The following TAFA1 variants were observed in gnomAD, a reference collection of about 807,000 sequenced individuals.
The protein encoded by TAFA1 is chemokine-like protein TAFA-1.
Under a neutral mutation model 18.5 loss-of-function variants are expected in TAFA1, and 4 were observed. The observed-to-expected ratio is 0.22, with a 90% CI of 0.11 to 0.49. TAFA1 has a LOEUF of 0.49. TAFA1 is among the 20% of genes least tolerant of loss of function. TAFA1 has a pLI of 0.98. For missense variants in TAFA1, 147 were observed against 169.0 expected (o/e 0.87, Z 0.72); for synonymous variants, 56 against 55.2 (o/e 1.01, Z -0.06).
intron 3 of TAFA1, among the ~76,000 whole-genome samples, chr3:68,421,330 T>C (rs1383437906): frequency 6.6e-6 from 1 of 152,166 alleles, no homozygotes; most frequent in Non-Finnish European, 1.5e-5. Flanking sequence ...TTATTTATAT[T>C]TTTGGTAACA....
chr3:68,250,508 G>A (rs778535341), intron 2 of TAFA1, among the ~76,000 whole-genome samples: 32 of 152,122 alleles, frequency 2.1e-4, no homozygotes, highest in Middle Eastern at 3.4e-3. Flanking sequence ...TCCTCACAGC[G>A]TCCCCACAGC....
intron 2 of TAFA1, among the ~76,000 whole-genome samples, chr3:68,332,103 T>C (rs1308827510): frequency 2.0e-5 from 3 of 151,824 alleles, no homozygotes; most frequent in Admixed American, 6.6e-5. Flanking sequence ...GACCTCGTGA[T>C]CCGCCCGCCT....
At chr3:68,353,715 G>A (rs900181454) in intron 2 of TAFA1, among the ~76,000 whole-genome samples, 2 of 152,036 alleles carry the variant, frequency 1.3e-5, no homozygotes, top group African/African-American at 4.8e-5. Flanking sequence ...AGGGAAGGAA[G>A]AGGAAGCATT....
intron 2 of TAFA1, among the ~76,000 whole-genome samples, chr3:68,397,506 C>T (rs929916644): frequency 1.3e-4 from 20 of 152,246 alleles, no homozygotes; most frequent in Admixed American, 3.3e-4. Context: ...CTTTCTTTTA[C>T]GGCTGACTAG....
chr3:68,277,262 T>C (rs745900439), intron 2 of TAFA1, among the ~76,000 whole-genome samples: 19 of 152,168 alleles, frequency 1.2e-4, no homozygotes, highest in Non-Finnish European at 2.2e-4. Flanking sequence ...TGAAGAAACC[T>C]GAAAAACATT....
Position 68,238,736 on chromosome 3 carries a change from C to T in TAFA1, c.119-178544C>T, listed in dbSNP as rs2066960702. On this transcript the variant is annotated intron_variant, in intron 2 of 4. Coordinates refer to ENST00000478136, the MANE Select transcript of TAFA1 (RefSeq NM_213609.4). ...CAGAAACATGGACATTTCAGATAAT[C>T]ATAATATTTAAACACTTTTTTGCCT... 2.0e-5 allele frequency among the ~76,000 whole-genome samples: 3 copies of T among 152,196 alleles called. No homozygotes were observed. The South Asian group carries it at 6.2e-4, about 32-fold the overall frequency.
chr3:68,257,346 T>C (rs936556433), intron 2 of TAFA1, among the ~76,000 whole-genome samples: 1 of 152,166 alleles, frequency 6.6e-6, no homozygotes, highest in Non-Finnish European at 1.5e-5. Context: ...TAACTTATTA[T>C]AATTTGTGGT....
At chr3:68,124,804 C>T (rs1301227106) in intron 2 of TAFA1, among the ~76,000 whole-genome samples, 3 of 152,196 alleles carry the variant, frequency 2.0e-5, no homozygotes, top group Admixed American at 6.5e-5. Context: ...CTGAAATCTG[C>T]TCATTCACTA....
intron 2 of TAFA1, among the ~76,000 whole-genome samples, chr3:68,023,520 A>G (rs559165185): frequency 1.1e-3 from 175 of 152,318 alleles, no homozygotes; most frequent in African/African-American, 4.1e-3. Context: ...GCAGACAGCA[A>G]GAGCTATTTG....
At chr3:68,066,772 G>T (rs963958946) in intron 2 of TAFA1, among the ~76,000 whole-genome samples, 1 of 152,138 alleles carries the variant, frequency 6.6e-6, no homozygotes, top group African/African-American at 2.4e-5. Flanking sequence ...GCAACAAAAA[G>T]CTGAGGCAGG....
At chr3:68,330,257 G>A (rs1002336471) in intron 2 of TAFA1, among the ~76,000 whole-genome samples, 3 of 152,166 alleles carry the variant, frequency 2.0e-5, no homozygotes, top group African/African-American at 2.4e-5. Context: ...TTCTGGTTCA[G>A]TTTGGGTTGC....
chr3:68,257,874 CT>C (rs909278199), intron 2 of TAFA1, among the ~76,000 whole-genome samples: 181 of 152,254 alleles, frequency 1.2e-3, no homozygotes, highest in African/African-American at 4.3e-3. Flanking sequence ...CATGTGCCCC[CT>C]GATTTCACCT....
chr3:68,053,282 G>A (rs573547365), intron 2 of TAFA1, among the ~76,000 whole-genome samples: 1 of 152,230 alleles, frequency 6.6e-6, no homozygotes, highest in East Asian at 1.9e-4. Flanking sequence ...TTTAGATGGA[G>A]GAGCCAAGGA....
At chr3:68,036,707 G>A (rs1217376534) in intron 2 of TAFA1, among the ~76,000 whole-genome samples, 1 of 151,990 alleles carries the variant, frequency 6.6e-6, no homozygotes, top group Non-Finnish European at 1.5e-5. Context: ...TGGTGAAGGT[G>A]GGTCCCTTAA....
intron 3 of TAFA1, among the ~76,000 whole-genome samples, chr3:68,527,798 A>G (rs967902487): frequency 6.6e-6 from 1 of 152,122 alleles, no homozygotes; most frequent in Non-Finnish European, 1.5e-5. Context: ...CTTTTGTCTC[A>G]AATACCTTTA....
intron 2 of TAFA1, among the ~76,000 whole-genome samples, chr3:68,017,979 A>G (rs6803837): frequency 0.11 from 16,658 of 152,178 alleles, 1,072 homozygotes; most frequent in Middle Eastern, 0.15. Flanking sequence ...CTAGAAGAAC[A>G]GAAGGGTGGT....
intron 2 of TAFA1, among the ~76,000 whole-genome samples, chr3:68,134,090 GA>G (rs71112615): frequency 2.3e-4 from 33 of 141,524 alleles, no homozygotes; most frequent in Middle Eastern, 3.7e-3. Flanking sequence ...AAAACAATGA[GA>G]AAAAAAAAAC....
chr3:68,512,529 C>A (rs1339734951), intron 3 of TAFA1, among the ~76,000 whole-genome samples: 4 of 152,152 alleles, frequency 2.6e-5, no homozygotes. Flanking sequence ...AGAGAATTGG[C>A]TAATAATTCT....
intron 3 of TAFA1, among the ~76,000 whole-genome samples, chr3:68,508,000 C>G (rs191652468): frequency 6.6e-6 from 1 of 152,116 alleles, no homozygotes; most frequent in African/African-American, 2.4e-5. Flanking sequence ...ATAGACTGGG[C>G]AGCTTACACA....
Sources: allele counts gnomAD v4.1 joint callset (sites outside exome capture counted in the v4.1 genomes callset), GRCh38; gene constraint gnomAD v4.1.1; transcripts MANE v1.5; gene names NCBI Gene and HGNC (gene_info 2026-07-23, HGNC 2026-07-21).